UBR2: variants seen among roughly 807,000 people sequenced by gnomAD.
UBR2 encodes the protein E3 ubiquitin-protein ligase UBR2.
UBR2 carries 92 observed loss-of-function variants against 247.9 expected under a neutral mutation model. The ratio of observed to expected loss-of-function variants is 0.37; its 90% CI spans 0.31 to 0.44. The LOEUF (loss-of-function observed/expected upper bound fraction) is 0.44, where lower values mean the gene tolerates loss of function less well. Among genes scored for constraint, UBR2 ranks in the 20% least tolerant of loss-of-function variants. The probability of loss-of-function intolerance (pLI) is 1.00; values close to 1 mark genes in which losing one functional copy is unlikely to be tolerated. For synonymous variants in UBR2, 672 were observed against 693.5 expected (o/e 0.97, Z 0.49); for missense variants, 1,613 against 2,112.6 (o/e 0.76, Z 4.64).
intron 5 of UBR2, among the ~76,000 whole-genome samples, chr6:42,605,415 C>T (rs549860523): frequency 4.4e-4 from 67 of 152,312 alleles, no homozygotes; most frequent in Non-Finnish European, 7.5e-4. Context: ...TTGAGAGCTA[C>T]TGATAGCCAA....
At chr6:42,640,431 TG>T (rs1277943340) in intron 16 of UBR2, among the ~76,000 whole-genome samples, 161 bp downstream of exon 16, 1 of 133,662 alleles carries the variant, frequency 7.5e-6, no homozygotes, top group Non-Finnish European at 1.7e-5. Flanking sequence ...TGTGTGTGTG[TG>T]TGTATAGATA....
chr6:42,641,697 G>C lies in UBR2; in HGVS notation c.2031+5G>C, dbSNP rs750407610. 2.8e-5 allele frequency: 45 copies of C among 1,602,202 alleles called. No individual in the cohort carries two copies. In the South Asian group the frequency reaches 4.1e-4, roughly 15 times the overall value. ...GGGTTCTCTCTAGTAAACCAGGTAA[G>C]TGTTTTCTAATTCTATGAAGAGTTT... On this transcript the variant is annotated splice_donor_5th_base_variant and intron_variant, in intron 17 of 46. Transcript: ENST00000372901.
At chr6:42,651,090 C>A (rs1797082482) in intron 23 of UBR2, among the ~76,000 whole-genome samples, 1 of 151,998 alleles carries the variant, frequency 6.6e-6, no homozygotes, top group South Asian at 2.1e-4. Context: ...GGCATGGTGT[C>A]ATGCACTTCT....
At chr6:42,613,402 G>A (rs1250662150) in intron 8 of UBR2, among the ~76,000 whole-genome samples, 5 of 152,094 alleles carry the variant, frequency 3.3e-5, no homozygotes, top group Non-Finnish European at 5.9e-5. Context: ...TTAAGAGAAC[G>A]CGTTTACTTT....
At chr6:42,644,803 G>C (rs1487909807) in intron 20 of UBR2, among the ~76,000 whole-genome samples, 1 of 152,122 alleles carries the variant, frequency 6.6e-6, no homozygotes, top group Non-Finnish European at 1.5e-5. Flanking sequence ...GGTAGGGGGA[G>C]CGGGGGACAG....
intron 20 of UBR2, 52 bp downstream of exon 20, chr6:42,644,588 A>G: frequency 2.0e-6 from 3 of 1,487,048 alleles, no homozygotes; most frequent in Non-Finnish European, 2.8e-6. Context: ...CGTTTATAGT[A>G]GCAAATAGTT....
intron 1 of UBR2, among the ~76,000 whole-genome samples, chr6:42,570,581 C>T (rs1791051883): frequency 6.6e-6 from 1 of 152,044 alleles, no homozygotes; most frequent in South Asian, 2.1e-4. Context: ...TTTCTTGGAC[C>T]AGACTTTTAA....
rs1794481733 is a variant in UBR2, at chr6:42,615,422, A to T, written c.1093+244A>T. ...ACTTGGTTTTATAAACAAATTGCAAATATTTTGTGCTAAGGAAAATATGTA... is the reference window on the plus strand; with the variant it reads ...ACTTGGTTTTATAAACAAATTGCAATTATTTTGTGCTAAGGAAAATATGTA... On this transcript the variant is annotated intron_variant, in intron 9 of 46. Transcript: ENST00000372901. 2.6e-5 allele frequency among the ~76,000 whole-genome samples: 4 copies of T among 152,304 alleles called. No homozygotes were observed. In the South Asian group the frequency reaches 8.3e-4, roughly 32 times the overall value.
intron 20 of UBR2, 27 bp downstream of exon 20, chr6:42,644,563 A>T: frequency 1.3e-6 from 2 of 1,582,474 alleles, no homozygotes; most frequent in Middle Eastern, 2.1e-4. Flanking sequence ...TGAGGCATTT[A>T]ATAAATTACA....
intron 42 of UBR2, among the ~76,000 whole-genome samples, chr6:42,680,142 G>A (rs926124918): frequency 6.6e-6 from 1 of 151,994 alleles, no homozygotes; most frequent in Non-Finnish European, 1.5e-5. Flanking sequence ...AGTAGCTGGG[G>A]TTACAGGCAT....
intron 5 of UBR2, among the ~76,000 whole-genome samples, chr6:42,604,612 C>G (rs1057462725): frequency 2.6e-5 from 4 of 152,178 alleles, no homozygotes; most frequent in African/African-American, 9.6e-5. Context: ...CCTAACTGGA[C>G]TGCCGTGTAC....
chr6:42,604,623 A>G (rs1346688040), intron 5 of UBR2, among the ~76,000 whole-genome samples: 1 of 152,042 alleles, frequency 6.6e-6, no homozygotes, highest in Admixed American at 6.6e-5. Flanking sequence ...TGCCGTGTAC[A>G]CTCTTGCCCC....
chr6:42,628,722 C>CAAA (rs34316224), intron 11 of UBR2, among the ~76,000 whole-genome samples: 9 of 102,844 alleles, frequency 8.8e-5, no homozygotes, highest in African/African-American at 2.2e-4. Flanking sequence ...GGCTCTGACT[C>CAAA]AAAAAAAAAA....
At chr6:42,650,181 C>T (rs1797032789) in intron 22 of UBR2, 103 bp from the exon 23 acceptor site, 1 of 868,114 alleles carries the variant, frequency 1.2e-6, no homozygotes, top group Middle Eastern at 2.3e-4. Context: ...CACCCACCAG[C>T]AGTATATGAG....
chr6:42,602,325 C>T (rs1793434182), intron 4 of UBR2, among the ~76,000 whole-genome samples: 1 of 152,124 alleles, frequency 6.6e-6, no homozygotes, highest in African/African-American at 2.4e-5. Flanking sequence ...GCCTCAGCCT[C>T]CCAAGTAGCA....
intron 21 of UBR2, among the ~76,000 whole-genome samples, chr6:42,646,820 TAG>T (rs765967046): frequency 5.6e-4 from 82 of 146,494 alleles, no homozygotes; most frequent in East Asian, 2.4e-3. Context: ...TATATATATA[TAG>T]AGAGAGAGAG....
chr6:42,596,226 T>C (rs1389893319), intron 4 of UBR2, among the ~76,000 whole-genome samples: 1 of 150,662 alleles, frequency 6.6e-6, no homozygotes, highest in Non-Finnish European at 1.5e-5. Context: ...AGAGAAGATA[T>C]ATGAATAATC....
chr6:42,602,517 C>T (rs1333616433), intron 4 of UBR2, among the ~76,000 whole-genome samples: 1 of 151,742 alleles, frequency 6.6e-6, no homozygotes, highest in South Asian at 2.1e-4. Context: ...TTCTTTTATT[C>T]CACCTTCTCC....
intron 2 of UBR2, among the ~76,000 whole-genome samples, chr6:42,582,880 G>A (rs1328180706): frequency 6.6e-6 from 1 of 151,330 alleles, no homozygotes; most frequent in African/African-American, 2.4e-5. Context: ...AAAAGTCAGT[G>A]CGTTTTGGGT....
Sources: allele counts gnomAD v4.1 joint callset (sites outside exome capture counted in the v4.1 genomes callset), GRCh38; gene constraint gnomAD v4.1.1; transcripts MANE v1.5; gene names NCBI Gene and HGNC (gene_info 2026-07-23, HGNC 2026-07-21).